SPATA13: variants seen among roughly 807,000 people sequenced by gnomAD.
SPATA13 encodes the protein spermatogenesis associated 13.
A neutral mutation model predicts 104.0 loss-of-function variants in SPATA13; 50 were observed. That is an observed-to-expected ratio of 0.48 (90% CI 0.38 to 0.61). The LOEUF is 0.61. Ranked by LOEUF, SPATA13 falls within the 20% of genes least tolerant of loss-of-function variation. SPATA13 has a pLI of 0.00. For synonymous variants in SPATA13, 606 were observed against 667.5 expected, an observed-to-expected ratio of 0.91 and a Z score of 1.42; for missense variants, 1,524 against 1,690.6, an observed-to-expected ratio of 0.90 and a Z score of 1.73.
At chr13:24,206,573 A>C (rs1004683444) in intron 1 of SPATA13, among the ~76,000 whole-genome samples, 2 of 152,184 alleles carry the variant, frequency 1.3e-5, no homozygotes, top group African/African-American at 4.8e-5. Flanking sequence ...TATATACCCA[A>C]AGGAATATAA....
At position 24,051,149 on chromosome 13, in the gene SPATA13, G is replaced by GCTAGC. The variant is rs1442012142; in HGVS notation, c.-112+33451_-112+33455dup. Among the ~76,000 whole-genome samples the GCTAGC allele has an allele frequency of 6.6e-6, 1 of 152,150 alleles. No homozygotes were observed. The highest frequency in any genetic ancestry group is 6.5e-5 in the Admixed American group (1 of 15,274). On this transcript the variant is annotated intron_variant, in intron 3 of 14. Coordinates refer to the SPATA13 transcript ENST00000424834. The surrounding 1 kb of genome is among the most constrained non-coding windows in gnomAD (Gnocchi z 4.2). ...TGAACTCCAAGTGAGCACTGCTGGG[G>GCTAGC]CTAGCCTCCTGAAGTTTTTGGAGAC...
chr13:24,205,309 A>G lies in SPATA13; in HGVS notation c.-111-17510A>G, dbSNP rs1365695630. ...CTGTATACCAACAGTGGGCAAGCAGAAAGCCAAGCCATGAAAGAATTTCCA... is the reference window on the plus strand; with the variant it reads ...CTGTATACCAACAGTGGGCAAGCAGGAAGCCAAGCCATGAAAGAATTTCCA... On this transcript the variant is annotated intron_variant, in intron 1 of 12. Coordinates refer to ENST00000382108, the MANE Select transcript of SPATA13 (RefSeq NM_001166271.3). This position sits in a 1 kb window ranked among gnomAD's most constrained non-coding sequence, Gnocchi z 4.1. 6.6e-6 allele frequency among the ~76,000 whole-genome samples: 1 copy of G among 152,212 alleles called. No homozygotes were observed.
At chr13:24,043,616 A>G (rs1878015112) in intron 3 of SPATA13, among the ~76,000 whole-genome samples, 1 of 152,126 alleles carries the variant, frequency 6.6e-6, no homozygotes, top group African/African-American at 2.4e-5. Context: ...TTTTCTGGAG[A>G]GTAAAGGCCT....
chr13:24,024,874 CAT>C (rs1877136357), intron 3 of SPATA13, among the ~76,000 whole-genome samples: 1 of 151,088 alleles, frequency 6.6e-6, no homozygotes, highest in South Asian at 2.1e-4. Context: ...CCCTGGGTAA[CAT>C]AGCGAGAACC....
chr13:24,251,571 T>C lies in SPATA13; in HGVS notation c.2020-147T>C, dbSNP rs184835546. 62 of 1,493,046 alleles carry C rather than the reference T, an allele frequency of 4.2e-5. No individual in the cohort carries two copies. In the African/African-American group the frequency reaches 8.4e-4, roughly 20 times the overall value. The allele number at this position is 1,493,046 out of a possible 1,614,324, so 92.5% of individuals were successfully genotyped here. ...TAGCATCATGAGTTGCCACTGGGCT[T>C]CGGTGCAGCCTGCAACTCGTGGCAG... On this transcript the variant is annotated intron_variant, in intron 3 of 12. Transcript: ENST00000382108.
chr13:24,222,602 G>A (rs7335101), intron 1 of SPATA13, among the ~76,000 whole-genome samples: 45,931 of 151,900 alleles, frequency 0.3, 7,042 homozygotes, highest in Middle Eastern at 0.38. Flanking sequence ...CTTCATGTCC[G>A]TGGCACAGCC....
chr13:24,263,242 G>A (rs956800379), intron 4 of SPATA13, among the ~76,000 whole-genome samples: 2 of 152,182 alleles, frequency 1.3e-5, no homozygotes, highest in Non-Finnish European at 2.9e-5. Flanking sequence ...TTTCAATAAA[G>A]AATCAGAGGG....
intron 1 of SPATA13, chr13:24,162,437 T>A (rs1402173594): frequency 6.4e-6 from 1 of 155,828 alleles, no homozygotes; most frequent in African/African-American, 2.4e-5. Context: ...GTCCGCCCTC[T>A]GTCACCTTGC....
chr13:23,983,842 T>C, exon 2 of SPATA13: 1 of 976,744 alleles, frequency 1.0e-6, no homozygotes, highest in Non-Finnish European at 1.2e-6. Flanking sequence ...TCATATTCGC[T>C]GCCTGTGCAG....
intron 3 of SPATA13, among the ~76,000 whole-genome samples, chr13:24,021,716 CTT>C (rs574935275): frequency 2.8e-5 from 4 of 145,164 alleles, no homozygotes; most frequent in Non-Finnish European, 4.6e-5. Flanking sequence ...GTTGGAAAAT[CTT>C]TTTTTTTTTT....
At chr13:24,081,784 C>G (rs1041882488) in intron 3 of SPATA13, among the ~76,000 whole-genome samples, 2 of 152,162 alleles carry the variant, frequency 1.3e-5, no homozygotes, top group African/African-American at 2.4e-5. Flanking sequence ...AGCTCATTCC[C>G]CTGTCGGCTT....
chr13:24,262,958 T>TA (rs1290538601), intron 4 of SPATA13, among the ~76,000 whole-genome samples: 11 of 151,468 alleles, frequency 7.3e-5, no homozygotes, highest in South Asian at 2.1e-4. Context: ...CAGGTTATTT[T>TA]AAAAAAAAAG....
chr13:24,198,149 C>T (rs1277426535), intron 1 of SPATA13, among the ~76,000 whole-genome samples: 1 of 152,136 alleles, frequency 6.6e-6, no homozygotes, highest in South Asian at 2.1e-4. Context: ...GCGCCCGCCA[C>T]CATGCCAGCT....
chr13:24,246,631 G>T (rs1873151596), intron 2 of SPATA13, among the ~76,000 whole-genome samples: 1 of 152,188 alleles, frequency 6.6e-6, no homozygotes, highest in South Asian at 2.1e-4. Flanking sequence ...AAGCTGCAGT[G>T]GGTGGATCAT....
intron 1 of SPATA13, among the ~76,000 whole-genome samples, chr13:23,982,504 T>G (rs1044245329): frequency 1.3e-5 from 2 of 152,186 alleles, no homozygotes; most frequent in Non-Finnish European, 2.9e-5. Context: ...TGATGAAAAC[T>G]AGAGTAGAAC....
At chr13:24,040,966 A>G (rs961204937) in intron 3 of SPATA13, among the ~76,000 whole-genome samples, 7 of 152,230 alleles carry the variant, frequency 4.6e-5, no homozygotes, top group Non-Finnish European at 8.8e-5. Flanking sequence ...CTCAGGGGGA[A>G]CGAACAATGA....
intron 3 of SPATA13, among the ~76,000 whole-genome samples, chr13:24,017,998 G>A (rs565085491): frequency 3.7e-4 from 57 of 152,174 alleles, no homozygotes; most frequent in Non-Finnish European, 7.2e-4. Context: ...GCTACTAAAT[G>A]TTCTGCTAGT....
At chr13:24,251,471 T>C (rs758004881) in intron 3 of SPATA13, 30 of 985,312 alleles carry the variant, frequency 3.0e-5, no homozygotes, top group Admixed American at 6.1e-5. Flanking sequence ...CCTATTGGCA[T>C]GTTGCAGACA....
intron 3 of SPATA13, among the ~76,000 whole-genome samples, chr13:24,090,179 G>T (rs9580861): frequency 6.6e-6 from 1 of 151,868 alleles, no homozygotes; most frequent in Non-Finnish European, 1.5e-5. Flanking sequence ...TTTCCCCCCA[G>T]TTCTCTGCAC....
Sources: gnomAD v4.1 joint callset for allele counts (sites outside exome capture counted in the v4.1 genomes callset) on GRCh38, gnomAD v4.1.1 for gene constraint, Gnocchi (gnomAD v3.1) non-coding constraint, MANE v1.5 for transcripts, NCBI Gene and HGNC (gene_info 2026-07-23, HGNC 2026-07-21) for gene names.